The following TNFRSF10D variants were observed in gnomAD, a reference collection of about 807,000 sequenced individuals.
TNFRSF10D encodes the protein TNF receptor superfamily member 10d, also known as tumor necrosis factor receptor superfamily member 10D.
A neutral mutation model predicts 42.1 loss-of-function variants in TNFRSF10D; 28 were observed. That is an observed-to-expected ratio of 0.66 (90% CI 0.49 to 0.91). The LOEUF (loss-of-function observed/expected upper bound fraction) is 0.91. Ranked by LOEUF, TNFRSF10D falls within the 40% of genes least tolerant of loss-of-function variation. The pLI is 0.00. For synonymous variants in TNFRSF10D, 186 were observed against 189.4 expected, an observed-to-expected ratio of 0.98 and a Z score of 0.15; for missense variants, 503 against 486.1, an observed-to-expected ratio of 1.03 and a Z score of -0.33.
intron 1 of TNFRSF10D, among the ~76,000 whole-genome samples, chr8:23,158,256 G>C (rs1019641757): frequency 6.6e-6 from 1 of 152,004 alleles, no homozygotes; most frequent in African/African-American, 2.4e-5. Flanking sequence ...TTCTTCTCAG[G>C]AGGCGAAGAG....
At chr8:23,153,799 G>C (rs1300429983) in intron 2 of TNFRSF10D, among the ~76,000 whole-genome samples, 1 of 152,140 alleles carries the variant, frequency 6.6e-6, no homozygotes, top group African/African-American at 2.4e-5. Context: ...ATCCATTATG[G>C]AAAACAGTAT....
In TNFRSF10D at chr8:23,155,468, A is replaced by T. The variant is rs1305890718; in HGVS notation, c.151-489T>A. On this transcript the variant is annotated intron_variant, in intron 1 of 8. Transcript: ENST00000312584. ...GGCGCGGTGGCTCAGGCCTGTAATC[A>T]CAGCACTTTGGGAGGCCAAAGTGGG... is the stretch of plus-strand genomic sequence containing the variant. Among the ~76,000 whole-genome samples, 8 of 151,734 alleles carry T rather than the reference A, an allele frequency of 5.3e-5. No homozygotes were observed. The East Asian group carries it at 1.4e-3, about 26-fold the overall frequency.
At chr8:23,139,646 C>T (rs1025757328) in intron 7 of TNFRSF10D, among the ~76,000 whole-genome samples, 2 of 152,132 alleles carry the variant, frequency 1.3e-5, no homozygotes, top group African/African-American at 2.4e-5. Flanking sequence ...ACGCTCACCA[C>T]TCCCATTCAA....
chr8:23,160,195 T>A (rs147892016), intron 1 of TNFRSF10D, among the ~76,000 whole-genome samples: 1 of 152,222 alleles, frequency 6.6e-6, no homozygotes, highest in African/African-American at 2.4e-5. Flanking sequence ...GGGGTTCATC[T>A]GTCCTCCCTG....
intron 8 of TNFRSF10D, 92 bp from the exon 9 acceptor site, chr8:23,138,095 T>A: frequency 6.2e-7 from 1 of 1,609,362 alleles, no homozygotes; most frequent in Non-Finnish European, 8.5e-7. Flanking sequence ...CAGTGAAACC[T>A]CCAGAAGAGC....
intron 1 of TNFRSF10D, among the ~76,000 whole-genome samples, chr8:23,162,227 T>C (rs1290749694): frequency 6.6e-6 from 1 of 152,294 alleles, no homozygotes; most frequent in East Asian, 2.0e-4. Flanking sequence ...GATCAAAGCC[T>C]CCTTTGGGAC....
At chr8:23,160,670 G>A (rs552698868) in intron 1 of TNFRSF10D, among the ~76,000 whole-genome samples, 223 of 152,230 alleles carry the variant, frequency 1.5e-3, no homozygotes, top group Non-Finnish European at 2.5e-3. Flanking sequence ...GCATGGCACT[G>A]TCCCCACTGT....
At position 23,138,261 on chromosome 8, in the gene TNFRSF10D, C is replaced by G; in HGVS notation, c.955-1G>C. The G allele has an allele frequency of 6.2e-7, 1 of 1,614,232 alleles. No individual in the cohort carries two copies. ...GACACCCTTCAGCTTCTGCCTGTTC[C>G]TGTAACACACAGTGGGGAATGCTCT... On this transcript the variant is annotated splice_acceptor_variant, in intron 7 of 8. Coordinates refer to ENST00000312584, the MANE Select transcript of TNFRSF10D (RefSeq NM_003840.5). LOFTEE classifies it high-confidence loss of function.
rs952206510 is a variant in TNFRSF10D at position 23,136,859 on chromosome 8, C to T, written c.*1011G>A. The T allele has an allele frequency of 6.6e-6, 1 of 151,938 alleles. No individual in the cohort carries two copies. The highest frequency in any genetic ancestry group is 2.4e-5 in the African/African-American group (1 of 41,354). 9.4% of individuals were successfully genotyped at this position (151,938 alleles called of 1,614,324 possible). A position where few individuals can be genotyped will look rare whatever the true frequency, so the allele number is the denominator to read the frequency against. On this transcript the variant is annotated 3_prime_UTR_variant, in exon 9 of 9. Coordinates refer to ENST00000312584, the MANE Select transcript of TNFRSF10D (RefSeq NM_003840.5). ...TAAAATTAACAAGTAAGACAAGCTG[C>T]CCCTTGAGAAGCTGCCAGCCATCAA...
At chr8:23,142,421 A>G (rs531923336) in intron 7 of TNFRSF10D, among the ~76,000 whole-genome samples, 1 of 152,352 alleles carries the variant, frequency 6.6e-6, no homozygotes, top group Non-Finnish European at 1.5e-5. Flanking sequence ...CAGCCATAAA[A>G]AAGAATGAAA....
At chr8:23,152,379 G>A (rs1800222908) in intron 2 of TNFRSF10D, among the ~76,000 whole-genome samples, 3 of 152,260 alleles carry the variant, frequency 2.0e-5, no homozygotes, top group South Asian at 4.1e-4. Context: ...AGATCCATGG[G>A]CATTATACCC....
In TNFRSF10D at chr8:23,139,950, C is replaced by A. The variant is rs1446236841; in HGVS notation, c.955-1690G>T. On this transcript the variant is annotated intron_variant, in intron 7 of 8. Coordinates refer to ENST00000312584, the MANE Select transcript of TNFRSF10D (RefSeq NM_003840.5). The stretch of plus-strand genomic sequence containing the variant: ...CACGATGTCAAGAGTTCAAGACCAG[C>A]ACGACCAACATGGTGAAACCCCGTC... Among the ~76,000 whole-genome samples, 3 of 152,160 alleles carry A rather than the reference C, an allele frequency of 2.0e-5. No individual in the cohort carries two copies. In the East Asian group the frequency reaches 5.8e-4, roughly 29 times the overall value.
At chr8:23,156,012 A>C (rs1005153706) in intron 1 of TNFRSF10D, among the ~76,000 whole-genome samples, 2 of 152,218 alleles carry the variant, frequency 1.3e-5, no homozygotes, top group African/African-American at 4.8e-5. Flanking sequence ...ATAAAACAGC[A>C]ATTCAGGGAT....
chr8:23,144,047 C>G (rs1002190660), intron 7 of TNFRSF10D, among the ~76,000 whole-genome samples: 1 of 152,154 alleles, frequency 6.6e-6, no homozygotes, highest in African/African-American at 2.4e-5. Flanking sequence ...GAAATCTGGA[C>G]AAAGATTTAC....
rs1218937552 is a variant in TNFRSF10D, at chr8:23,163,819, C to T, written c.117G>A (p.Lys39=). Residue 39 remains lysine (K), a synonymous_variant, in exon 1 of 9, where the codon AAG becomes AAA. Coordinates refer to ENST00000312584, the MANE Select transcript of TNFRSF10D (RefSeq NM_003840.5). ...GAACCGCGACGATGAAGACGACGAA[C>T]TTAAGGATCTTGGGGTCCAGGAGCC... The part of the protein sequence containing the change: ...RPWLLDPKIL[K]FVVFIVAVLL... 6.2e-7 allele frequency: 1 copy of T among 1,609,290 alleles called. No individual in the cohort carries two copies. The highest frequency in any genetic ancestry group is 1.1e-5 in the South Asian group (1 of 90,082).
At chr8:23,149,204 AAAAGAAAAG>A (rs1483729756) in intron 2 of TNFRSF10D, among the ~76,000 whole-genome samples, 2 of 139,154 alleles carry the variant, frequency 1.4e-5, no homozygotes, top group African/African-American at 5.6e-5. Flanking sequence ...AAAAAAAAAA[AAAAGAAAAG>A]AAAAGAAAAG....
At chr8:23,145,015 C>T in intron 6 of TNFRSF10D, 43 bp downstream of exon 6, 1 of 1,613,994 alleles carries the variant, frequency 6.2e-7, no homozygotes, top group Middle Eastern at 1.6e-4. Context: ...GGAAGCAGTT[C>T]CTGAACCCAC....
rs775140549 is a variant in TNFRSF10D, at chr8:23,138,276, G to T, written c.955-16C>A. On this transcript the variant is annotated splice_polypyrimidine_tract_variant and intron_variant, in intron 7 of 8. Coordinates refer to ENST00000312584, the MANE Select transcript of TNFRSF10D (RefSeq NM_003840.5). ...CTGCCTGTTCCTGTAACACACAGTG[G>T]GGAATGCTCTGGTCAGAGTCAGGAG... is the stretch of plus-strand genomic sequence containing the variant. 8.1e-6 allele frequency: 13 copies of T among 1,614,008 alleles called. No individual in the cohort carries two copies. The highest frequency in any genetic ancestry group is 1.1e-5 in the Non-Finnish European group (13 of 1,180,002).
At chr8:23,160,474 G>C (rs977336517) in intron 1 of TNFRSF10D, among the ~76,000 whole-genome samples, 1 of 152,208 alleles carries the variant, frequency 6.6e-6, no homozygotes, top group African/African-American at 2.4e-5. Flanking sequence ...AAATATGGCT[G>C]CTATTATTCA....
Sources: allele counts gnomAD v4.1 joint callset (sites outside exome capture counted in the v4.1 genomes callset), GRCh38; gene constraint gnomAD v4.1.1; transcripts MANE v1.5; gene names NCBI Gene and HGNC (gene_info 2026-07-23, HGNC 2026-07-21).